PSD2: variants seen among roughly 807,000 people sequenced by gnomAD.
PSD2 encodes the protein PH and SEC7 domain-containing protein 2.
In PSD2, 38 loss-of-function variants were observed where a neutral mutation model predicts 69.8. That is an observed-to-expected ratio of 0.54 (90% CI 0.42 to 0.71). The LOEUF is 0.71. Ranked by LOEUF, PSD2 falls within the 30% of genes least tolerant of loss-of-function variation. The probability of loss-of-function intolerance (pLI) is 0.00; values close to 1 mark genes in which losing one functional copy is unlikely to be tolerated. For synonymous variants in PSD2, 412 were observed against 423.0 expected, an observed-to-expected ratio of 0.97 and a Z score of 0.32; for missense variants, 943 against 1,014.5, an observed-to-expected ratio of 0.93 and a Z score of 0.96.
intron 5 of PSD2, among the ~76,000 whole-genome samples, chr5:139,821,342 G>A (rs7734333): frequency 0.24 from 37,183 of 152,102 alleles, 4,717 homozygotes; most frequent in South Asian, 0.32. Flanking sequence ...CGTTGTCCTG[G>A]GCACATGATG....
rs1299808608 is a variant in PSD2 at position 139,843,838 on chromosome 5, G to A, written c.*1364G>A. ...ATGGCACATTCAGTGTGGCTATGAA[G>A]AGCGAATCCTCTCTATTGTTTAAAT... On this transcript the variant is annotated 3_prime_UTR_variant, in exon 15 of 15. Transcript: ENST00000274710. 1 of 152,208 alleles carries A rather than the reference G, an allele frequency of 6.6e-6. No homozygotes were observed. Among genetic ancestry groups the A allele is most frequent in the African/African-American group, 2.4e-5 (1 of 41,444 alleles). The allele number at this position is 152,208 out of a possible 1,614,324, so 9.4% of individuals were successfully genotyped here.
At chr5:139,745,577 C>T in the PSD2 span, among the ~76,000 whole-genome samples, 1 of 152,266 alleles carries the variant, frequency 6.6e-6, no homozygotes, top group African/African-American at 2.4e-5. Flanking sequence ...GAGAACTTCT[C>T]TGCTCCTAGC....
At chr5:139,829,205 G>A (rs950089492) in intron 7 of PSD2, among the ~76,000 whole-genome samples, 1 of 152,206 alleles carries the variant, frequency 6.6e-6, no homozygotes, top group Non-Finnish European at 1.5e-5. Context: ...CCCTGAGAAA[G>A]ATCAATTCTA....
the PSD2 span, among the ~76,000 whole-genome samples, chr5:139,788,900 G>T: frequency 2.0e-5 from 3 of 152,258 alleles, no homozygotes; most frequent in African/African-American, 7.2e-5. Context: ...CAGGTGACTG[G>T]CCCCTTACCT....
At chr5:139,815,990 T>C (rs1251222165) in intron 4 of PSD2, among the ~76,000 whole-genome samples, 1 of 109,634 alleles carries the variant, frequency 9.1e-6, no homozygotes, top group East Asian at 2.6e-4. Flanking sequence ...CAACACTCCA[T>C]ATATTAAAAA....
At chr5:139,821,679 A>C (rs1184404378) in intron 5 of PSD2, among the ~76,000 whole-genome samples, 6 of 152,114 alleles carry the variant, frequency 3.9e-5, no homozygotes. Flanking sequence ...TGAGGACTGA[A>C]ACTCTAAAGC....
chr5:139,787,756 G>A, the PSD2 span, among the ~76,000 whole-genome samples: 1 of 152,252 alleles, frequency 6.6e-6, no homozygotes, highest in Non-Finnish European at 1.5e-5. Context: ...ACGGGGACCC[G>A]TGCGTGAACT....
At position 139,837,096 on chromosome 5, in the gene PSD2, C is replaced by CGTA; in HGVS notation, c.1595-69_1595-67dup. 6.3e-7 allele frequency: 1 copy of CGTA among 1,597,338 alleles called. No individual in the cohort carries two copies. The highest frequency in any genetic ancestry group is 1.1e-5 in the South Asian group (1 of 89,278). ...TTGGGGACGAACATACAGGTGGACA[C>CGTA]GTAGTGGGAGGTGGGGTTGGAGAGA... is the stretch of plus-strand genomic sequence containing the variant. On this transcript the variant is annotated intron_variant, in intron 10 of 14. Coordinates refer to ENST00000274710, the MANE Select transcript of PSD2 (RefSeq NM_032289.4). This position sits in a 1 kb window ranked among gnomAD's most constrained non-coding sequence, Gnocchi z 5.0.
Position 139,822,780 on chromosome 5 carries a change from G to A in PSD2, c.1265G>A (p.Gly422Asp). ...ATGCTGCTCAACACGGACCTGCACGGCCACGTGAGTTGGGGAGGTGACGGG... is the reference window on the plus strand; with the variant it reads ...ATGCTGCTCAACACGGACCTGCACGACCACGTGAGTTGGGGAGGTGACGGG... ...ALMLLNTDLH[G>D]HNIGKKMSCQ... Residue 422 changes from glycine to aspartate, a missense_variant, in exon 7 of 15, where the codon GGC becomes GAC. This residue lies in a region of PSD2 where 312 missense variants were observed against 400.7 expected (regional missense o/e 0.78). Transcript: ENST00000274710. The A allele has an allele frequency of 6.2e-7, 1 of 1,606,864 alleles. No homozygotes were observed. The highest frequency in any genetic ancestry group is 8.5e-7 in the Non-Finnish European group (1 of 1,176,448).
At position 139,814,402 on chromosome 5, in the gene PSD2, C is replaced by T; in HGVS notation, c.1016+38C>T. The T allele has an allele frequency of 6.5e-7, 1 of 1,534,492 alleles. No homozygotes were observed. Among genetic ancestry groups the T allele is most frequent in the Non-Finnish European group, 8.8e-7 (1 of 1,140,582 alleles). ...TCCCCTGCCCCCAACCCTGGGCAAA[C>T]CTCGTGTCTTCCTCAACCTGAAGAG... On this transcript the variant is annotated intron_variant, in intron 4 of 14. Coordinates refer to ENST00000274710, the MANE Select transcript of PSD2 (RefSeq NM_032289.4). This position sits in a 1 kb window ranked among gnomAD's most constrained non-coding sequence, Gnocchi z 4.4.
chr5:139,843,294 G>C lies in PSD2; in HGVS notation c.*820G>C, dbSNP rs1251786604. 1 of 152,242 alleles carries C rather than the reference G, an allele frequency of 6.6e-6. No individual in the cohort carries two copies. The highest frequency in any genetic ancestry group is 1.5e-5 in the Non-Finnish European group (1 of 68,048). The allele number at this position is 152,242 out of a possible 1,614,324, so 9.4% of individuals were successfully genotyped here. ...CTCTAGGAGGGAAGGGGGAGGCAGT[G>C]CTGGCCTCCCTTGCCCTGTTTTTCC... On this transcript the variant is annotated 3_prime_UTR_variant, in exon 15 of 15. Coordinates refer to ENST00000274710, the MANE Select transcript of PSD2 (RefSeq NM_032289.4).
At chr5:139,749,760 C>T in the PSD2 span, among the ~76,000 whole-genome samples, 1 of 152,038 alleles carries the variant, frequency 6.6e-6, no homozygotes, top group South Asian at 2.1e-4. Flanking sequence ...CTTTGGGAGG[C>T]CGAGGTGGGC....
In PSD2 at chr5:139,838,648, C is replaced by A; in HGVS notation, c.1844C>A (p.Ser615Tyr). The change falls in exon 13 of 15, where the codon TCC becomes TAC. Residue 615 changes from serine (S) to tyrosine (Y), a missense_variant. By Grantham distance (144) the Ser-to-Tyr change is moderately radical. Coordinates refer to ENST00000274710, the MANE Select transcript of PSD2 (RefSeq NM_032289.4). ...FQAPSKEEML[S>Y]WILRINLVAA... ...CCCAGGAGCAAGGAAGAAATGCTGT[C>A]CTGGATCCTCAGGATCAACCTGGTG... 6.2e-7 allele frequency: 1 copy of A among 1,613,838 alleles called. No individual in the cohort carries two copies. Among genetic ancestry groups the A allele is most frequent in the Non-Finnish European group, 8.5e-7 (1 of 1,179,784 alleles).
chr5:139,756,225 T>C, the PSD2 span, among the ~76,000 whole-genome samples: 1 of 152,152 alleles, frequency 6.6e-6, no homozygotes, highest in African/African-American at 2.4e-5. Flanking sequence ...GGACTGCCGC[T>C]GCGCCCCCCC....
the PSD2 span, among the ~76,000 whole-genome samples, chr5:139,748,073 C>G: frequency 6.6e-6 from 1 of 152,216 alleles, no homozygotes; most frequent in Non-Finnish European, 1.5e-5. Context: ...GGTCTGCGGA[C>G]ACGTGTGAAC....
the PSD2 span, among the ~76,000 whole-genome samples, chr5:139,781,583 T>C: frequency 6.6e-6 from 1 of 151,972 alleles, no homozygotes; most frequent in East Asian, 1.9e-4. Flanking sequence ...GATCCACCTG[T>C]CTTGGCTTCC....
chr5:139,772,519 T>G, the PSD2 span: 1 of 152,554 alleles, frequency 6.6e-6, no homozygotes, highest in African/African-American at 2.4e-5. Flanking sequence ...TCCCAGGGCC[T>G]CCTTCTTTCA....
chr5:139,837,116 G>C lies in PSD2; in HGVS notation c.1595-52G>C. On this transcript the variant is annotated intron_variant, in intron 10 of 14. Coordinates refer to ENST00000274710, the MANE Select transcript of PSD2 (RefSeq NM_032289.4). The surrounding 1 kb of genome is among the most constrained non-coding windows in gnomAD (Gnocchi z 5.0). ...GGACACGTAGTGGGAGGTGGGGTTG[G>C]AGAGACTGCAGAGGGTGGCTGCAGC... 1 of 1,607,842 alleles carries C rather than the reference G, an allele frequency of 6.2e-7. No homozygotes were observed. The highest frequency in any genetic ancestry group is 1.1e-5 in the South Asian group (1 of 90,444).
chr5:139,830,588 TTCTTTTTCTTTCTTTCTTTC>T (rs1760560265), intron 7 of PSD2, among the ~76,000 whole-genome samples: 1 of 134,758 alleles, frequency 7.4e-6, no homozygotes, highest in African/African-American at 2.9e-5. Context: ...CTTTCTTTCT[TTCTTTTTCTTTCTTTCTTTC>T]TCTTTCTTTC....
Sources: gnomAD v4.1 joint callset for allele counts (sites outside exome capture counted in the v4.1 genomes callset) on GRCh38, gnomAD v4.1.1 for gene constraint, gnomAD v4.1.1 regional missense constraint, Gnocchi (gnomAD v3.1) non-coding constraint, MANE v1.5 for transcripts, NCBI Gene and HGNC (gene_info 2026-07-23, HGNC 2026-07-21) for gene names.